Variants in RICTOR observed in about 807,000 individuals in gnomAD.
RICTOR encodes RPTOR independent companion of MTOR complex 2, also known as rapamycin-insensitive companion of mTOR.
In RICTOR, 49 loss-of-function variants were observed where a neutral mutation model predicts 214.9. The observed-to-expected ratio is 0.23, with a 90% CI of 0.18 to 0.29. The LOEUF (loss-of-function observed/expected upper bound fraction) is 0.29. Among genes scored for constraint, RICTOR ranks in the 10% least tolerant of loss-of-function variants. The probability of loss-of-function intolerance (pLI) is 1.00; values close to 1 mark genes in which losing one functional copy is unlikely to be tolerated. For missense variants in RICTOR, 1,625 were observed against 2,047.0 expected (o/e 0.79, Z 3.98); for synonymous variants, 717 against 711.3 (o/e 1.01, Z -0.13).
At chr5:38,964,508 C>A (rs1490360732) in intron 16 of RICTOR, among the ~76,000 whole-genome samples, 1 of 151,748 alleles carries the variant, frequency 6.6e-6, no homozygotes, top group Non-Finnish European at 1.5e-5. Context: ...ATAAAGGAGT[C>A]CAAAAACCTC....
rs763020996 is a variant in RICTOR, at chr5:38,944,406, C to T, written c.4913+40G>A. ...AAGTATCTTTTCTCGACTTAAAAAA[C>T]AGAATAAACAAATAATACTCATGCA... On this transcript the variant is annotated intron_variant, in intron 36 of 37. Coordinates refer to ENST00000357387, the MANE Select transcript of RICTOR (RefSeq NM_152756.5). 6 of 1,572,794 alleles carry T rather than the reference C, an allele frequency of 3.8e-6. No homozygotes were observed. In the African/African-American group the frequency reaches 6.9e-5, roughly 18 times the overall value.
At chr5:39,049,099 T>G (rs1278377274) in intron 2 of RICTOR, among the ~76,000 whole-genome samples, 1 of 152,082 alleles carries the variant, frequency 6.6e-6, no homozygotes, top group Non-Finnish European at 1.5e-5. Context: ...AATCTGAATT[T>G]AAAGTAGCCC....
At chr5:39,039,850 C>T (rs1337616348) in intron 2 of RICTOR, among the ~76,000 whole-genome samples, 2 of 152,082 alleles carry the variant, frequency 1.3e-5, no homozygotes, top group Non-Finnish European at 2.9e-5. Flanking sequence ...GAAATAGGAA[C>T]ACTTTTACAC....
Position 38,987,847 on chromosome 5 carries a change from C to A in RICTOR, c.583+3102G>T, listed in dbSNP as rs188497708. ...CGCTTTCTCCTGTGAACATTTAGTG[C>A]TATAAATTTCCCTCTAAACACTGCT... On this transcript the variant is annotated intron_variant, in intron 7 of 37. Transcript: ENST00000357387. 2.8e-3 allele frequency among the ~76,000 whole-genome samples: 428 copies of A among 152,250 alleles called. 3 individuals are homozygous for A. Among genetic ancestry groups the A allele is most frequent in the Non-Finnish European group, 4.5e-3 (309 of 68,026 alleles).
chr5:38,990,523 T>C (rs72732751), intron 7 of RICTOR, among the ~76,000 whole-genome samples: 2,960 of 129,686 alleles, frequency 0.023, 89 homozygotes, highest in African/African-American at 0.062. Context: ...ACGATATATA[T>C]ACGATATATA....
At position 38,962,576 on chromosome 5, in the gene RICTOR, T is replaced by TC. The variant is rs1165600591; in HGVS notation, c.1576dup (p.Glu526GlyfsTer6). 1 of 1,507,538 alleles carries TC rather than the reference T, an allele frequency of 6.6e-7. No homozygotes were observed. Among genetic ancestry groups the TC allele is most frequent in the African/African-American group, 1.4e-5 (1 of 71,828 alleles). The allele number at this position is 1,507,538 out of a possible 1,614,324, so 93.4% of individuals were successfully genotyped here. On this transcript the variant is annotated frameshift_variant, in exon 18 of 38. Transcript: ENST00000357387. LOFTEE classifies it high-confidence loss of function. ...ATCTCTAAGGTTAATTAAAAGAGCT[T>TC]CCTCTGTATCCTAAAATCATCAGAA...
intron 2 of RICTOR, chr5:39,022,348 G>A (rs150110051): frequency 1.3e-5 from 2 of 152,964 alleles, no homozygotes; most frequent in African/African-American, 4.8e-5. Flanking sequence ...TGAGGGAACA[G>A]AGCAATTACT....
intron 34 of RICTOR, 113 bp from the exon 35 acceptor site, chr5:38,945,181 A>C: frequency 1.2e-6 from 1 of 803,310 alleles, no homozygotes; most frequent in Non-Finnish European, 1.9e-6. Context: ...AATTGTATGC[A>C]ATATACCAAA....
chr5:38,953,182 C>G (rs1281442590), intron 28 of RICTOR, 91 bp from the exon 29 acceptor site: 3 of 852,320 alleles, frequency 3.5e-6, no homozygotes, highest in African/African-American at 1.7e-5. Context: ...AACCTCATCT[C>G]TGAGAGAGAA....
intron 2 of RICTOR, among the ~76,000 whole-genome samples, chr5:39,023,383 T>C (rs1755574918): frequency 6.6e-6 from 1 of 152,042 alleles, no homozygotes; most frequent in African/African-American, 2.4e-5. Flanking sequence ...AACGGATTTC[T>C]TGTCCAAAAC....
Position 39,053,729 on chromosome 5 carries a change from A to T in RICTOR, c.97+20382T>A, listed in dbSNP as rs1757999906. ...AACACGGTGAAACCCCGTCTCTACT[A>T]AAAATACAAAAAATTAGCCGGGCGA... is the stretch of plus-strand genomic sequence containing the variant. On this transcript the variant is annotated intron_variant, in intron 2 of 37. Coordinates refer to ENST00000357387, the MANE Select transcript of RICTOR (RefSeq NM_152756.5). Among the ~76,000 whole-genome samples the T allele has an allele frequency of 4.6e-5, 7 of 151,182 alleles. No homozygotes were observed. The South Asian group carries it at 1.5e-3, about 32-fold the overall frequency.
chr5:38,942,363 C>G lies in RICTOR; in HGVS notation c.5068G>C (p.Glu1690Gln). The G allele has an allele frequency of 6.3e-7, 1 of 1,592,612 alleles. No individual in the cohort carries two copies. The highest frequency in any genetic ancestry group is 8.6e-7 in the Non-Finnish European group (1 of 1,165,958). ...VQFLQMHEEAEAVLATPPKQP... is the reference protein window; with the variant it reads ...VQFLQMHEEAQAVLATPPKQP... ...TTTGGTGGTGTTGCCAACACAGCCT[C>G]TGCTTCTTCATGCATCTAGGGAAAA... Residue 1690 changes from glutamate to glutamine, a missense_variant, in exon 38 of 38, where the codon GAG becomes CAG. Transcript: ENST00000357387.
chr5:39,010,287 T>C (rs1235709991), intron 3 of RICTOR, among the ~76,000 whole-genome samples: 1 of 152,200 alleles, frequency 6.6e-6, no homozygotes, highest in South Asian at 2.1e-4. Context: ...TCCGCCATGA[T>C]TGTAAGTTCC....
chr5:39,059,899 AG>A (rs1393114386), intron 2 of RICTOR, among the ~76,000 whole-genome samples: 1 of 152,144 alleles, frequency 6.6e-6, no homozygotes, highest in Non-Finnish European at 1.5e-5. Context: ...TTATCTCAAA[AG>A]GAGATGAAGA....
At chr5:38,960,299 T>A in intron 20 of RICTOR, 99 bp downstream of exon 20, 1 of 1,183,184 alleles carries the variant, frequency 8.5e-7, no homozygotes, top group Non-Finnish European at 1.2e-6. Context: ...TTATGCATAT[T>A]CAGAAATAAA....
At chr5:39,042,286 AAAC>A (rs781538775) in intron 2 of RICTOR, among the ~76,000 whole-genome samples, 53 of 152,326 alleles carry the variant, frequency 3.5e-4, no homozygotes, top group Admixed American at 7.2e-4. Flanking sequence ...TTACAATATA[AAAC>A]AACAACACTG....
intron 5 of RICTOR, among the ~76,000 whole-genome samples, 147 bp downstream of exon 5, chr5:39,002,382 TTGTGTG>T (rs112241926): frequency 6.8e-6 from 1 of 146,868 alleles, no homozygotes; most frequent in Non-Finnish European, 1.5e-5. Flanking sequence ...TGTTACTTGG[TTGTGTG>T]TGTGTGTGTG....
intron 6 of RICTOR, 101 bp from the exon 7 acceptor site, chr5:38,991,176 A>G (rs1752748838): frequency 3.2e-6 from 2 of 624,592 alleles, no homozygotes; most frequent in Non-Finnish European, 5.2e-6. Flanking sequence ...AAGATCCAGA[A>G]TAAGATCTAG....
intron 9 of RICTOR, among the ~76,000 whole-genome samples, chr5:38,977,979 T>C (rs910641884): frequency 6.6e-6 from 1 of 152,176 alleles, no homozygotes; most frequent in Non-Finnish European, 1.5e-5. Context: ...TGCAGTGCAA[T>C]AAAGTCTACC....
Sources: allele counts gnomAD v4.1 joint callset (sites outside exome capture counted in the v4.1 genomes callset), GRCh38; gene constraint gnomAD v4.1.1; transcripts MANE v1.5; gene names NCBI Gene and HGNC (gene_info 2026-07-23, HGNC 2026-07-21).